The following PLLP variants were observed in gnomAD, a reference collection of about 807,000 sequenced individuals.
The protein encoded by PLLP is plasma membrane proteolipid (plasmolipin).
A neutral mutation model predicts 19.7 loss-of-function variants in PLLP; 15 were observed. The ratio of observed to expected loss-of-function variants is 0.76; its 90% CI spans 0.51 to 1.17. The LOEUF is 1.17. Among genes scored for constraint, PLLP ranks in the 50% most tolerant of loss-of-function variants. PLLP has a pLI of 0.00. For missense variants in PLLP, 255 were observed against 258.3 expected, an observed-to-expected ratio of 0.99 and a Z score of 0.09; for synonymous variants, 111 against 116.3, an observed-to-expected ratio of 0.95 and a Z score of 0.29.
chr16:57,275,282 G>T lies in PLLP; in HGVS notation c.135+9124C>A, dbSNP rs117322127. On this transcript the variant is annotated intron_variant, in intron 1 of 3. Coordinates refer to ENST00000219207, the MANE Select transcript of PLLP (RefSeq NM_015993.3). The stretch of plus-strand genomic sequence containing the variant: ...AGCTGTTGCATTGTCTTCTTTGAGG[G>T]GTGGGGGGATATCTTTTTACTCACT... Among the ~76,000 whole-genome samples, 18 of 152,178 alleles carry T rather than the reference G, an allele frequency of 1.2e-4. No homozygotes were observed. The East Asian group carries it at 3.5e-3, about 29-fold the overall frequency.
At position 57,262,032 on chromosome 16, in the gene PLLP, G is replaced by T; in HGVS notation, c.174C>A (p.Thr58=). Residue 58 remains threonine, a synonymous_variant, in exon 2 of 4, where the codon ACC becomes ACA. Transcript: ENST00000219207. ...GLLVWALIAD[T]PYHLYPAYGW... ...CATAGGCCGGATACAGGTGGTACGG[G>T]GTGTCCGCAATCAGCGCCCACACCA... The T allele has an allele frequency of 1.2e-6, 2 of 1,614,176 alleles. No homozygotes were observed. The highest frequency in any genetic ancestry group is 1.3e-5 in the African/African-American group (1 of 75,042).
chr16:57,263,087 G>A (rs1444646938), intron 1 of PLLP, among the ~76,000 whole-genome samples: 1 of 152,182 alleles, frequency 6.6e-6, no homozygotes, highest in Non-Finnish European at 1.5e-5. Context: ...CACAGTCCCA[G>A]AGGCGGGAAG....
intron 1 of PLLP, among the ~76,000 whole-genome samples, chr16:57,282,248 GTGTT>G (rs1325082411): frequency 1.4e-5 from 2 of 147,384 alleles, no homozygotes; most frequent in Admixed American, 6.8e-5. Context: ...TTTTGTGTGT[GTGTT>G]TGTCTGTTTG....
rs942871578 is a variant in PLLP at position 57,256,223 on chromosome 16, G to A, written c.*690C>T. The A allele has an allele frequency of 1.0e-5, 4 of 394,584 alleles. No homozygotes were observed. In the East Asian group the frequency reaches 1.1e-4, roughly 11 times the overall value. 24.4% of individuals were successfully genotyped at this position (394,584 alleles called of 1,614,324 possible). On this transcript the variant is annotated 3_prime_UTR_variant, in exon 4 of 4. Transcript: ENST00000219207. ...TCCCATGTGCCTAGTCAGCAAGGTCGGGGAGGCACCGATGTTAGCTTCGCC... is the reference window on the plus strand; with the variant it reads ...TCCCATGTGCCTAGTCAGCAAGGTCAGGGAGGCACCGATGTTAGCTTCGCC...
At chr16:57,276,620 A>G (rs917280077) in intron 1 of PLLP, among the ~76,000 whole-genome samples, 2 of 151,278 alleles carry the variant, frequency 1.3e-5, no homozygotes, top group African/African-American at 4.9e-5. Flanking sequence ...GAGAGAGAGA[A>G]ATGAAAATAA....
chr16:57,284,424 C>T lies in PLLP; in HGVS notation c.117G>A (p.Ala39=), dbSNP rs2146454672. 2 of 1,420,864 alleles carry T rather than the reference C, an allele frequency of 1.4e-6. No homozygotes were observed. The highest frequency in any genetic ancestry group is 1.8e-6 in the Non-Finnish European group (2 of 1,086,106). The allele number at this position is 1,420,864 out of a possible 1,614,324, so 88.0% of individuals were successfully genotyped here. ...DLGFVRSRLG[A]LMLLQLVLGL... is the part of the protein sequence containing the mutation. ...CTCTCACCAGCTGCAGCAGCATGAG[C>T]GCCCCGAGGCGGGAGCGCACGAAGC... The change falls in exon 1 of 4, where the codon GCG becomes GCA. Residue 39 remains alanine (A), a synonymous_variant. Transcript: ENST00000219207.
chr16:57,280,338 G>A (rs1462904678), intron 1 of PLLP, among the ~76,000 whole-genome samples: 1 of 152,062 alleles, frequency 6.6e-6, no homozygotes, highest in Non-Finnish European at 1.5e-5. Context: ...TCTCCCCACG[G>A]CTTGGGGAGG....
intron 1 of PLLP, among the ~76,000 whole-genome samples, chr16:57,278,689 G>C (rs1901183450): frequency 6.6e-6 from 1 of 152,104 alleles, no homozygotes; most frequent in Non-Finnish European, 1.5e-5. Context: ...GGGCATGCGG[G>C]GCCTGGAATG....
At chr16:57,270,860 T>A (rs1474423854) in intron 1 of PLLP, among the ~76,000 whole-genome samples, 1 of 152,190 alleles carries the variant, frequency 6.6e-6, no homozygotes. Flanking sequence ...TGAATAGCCC[T>A]AAGCTCTCTT....
At position 57,258,463 on chromosome 16, in the gene PLLP, G is replaced by C; in HGVS notation, c.431C>G (p.Ser144Trp). The part of the protein sequence containing the change: ...TRPYNQRAAA[S>W]FFACLVMIAY... Reference sequence around the variant, plus strand: ...AGGGAGCCTGGGAAGCAGACTCACCGAGGCAGCCGCGCGCTGGTTATAAGG... The same window carrying C: ...AGGGAGCCTGGGAAGCAGACTCACCCAGGCAGCCGCGCGCTGGTTATAAGG... Residue 144 changes from serine to tryptophan, a missense_variant and splice_region_variant, in exon 3 of 4, where the codon TCG (serine) becomes TGG (tryptophan). Ser to Trp is a radical substitution (Grantham distance 177, BLOSUM62 -3). Transcript: ENST00000219207. The C allele has an allele frequency of 6.2e-7, 1 of 1,609,970 alleles. No individual in the cohort carries two copies. The highest frequency in any genetic ancestry group is 8.5e-7 in the Non-Finnish European group (1 of 1,179,784).
At chr16:57,260,851 T>C (rs772431500) in intron 2 of PLLP, among the ~76,000 whole-genome samples, 11 of 152,220 alleles carry the variant, frequency 7.2e-5, no homozygotes, top group Admixed American at 1.3e-4. Flanking sequence ...TGCCCGAGCT[T>C]GTCCTGCACA....
At chr16:57,282,328 A>G (rs4635334) in intron 1 of PLLP, among the ~76,000 whole-genome samples, 69,251 of 151,068 alleles carry the variant, frequency 0.46, 16,656 homozygotes, top group South Asian at 0.7. Flanking sequence ...CTGTAGCCTC[A>G]AACTCCCAGG....
At chr16:57,263,900 T>C (rs1458968002) in intron 1 of PLLP, among the ~76,000 whole-genome samples, 2 of 152,184 alleles carry the variant, frequency 1.3e-5, no homozygotes, top group Non-Finnish European at 2.9e-5. Context: ...CCCAGGTACA[T>C]GGCACCAAGG....
At chr16:57,266,458 G>C (rs1356862827) in intron 1 of PLLP, among the ~76,000 whole-genome samples, 7 of 152,170 alleles carry the variant, frequency 4.6e-5, no homozygotes, top group African/African-American at 1.4e-4. Context: ...ACCCTGCTCG[G>C]AACAGGGCAC....
chr16:57,266,377 G>A (rs1275638587), intron 1 of PLLP, among the ~76,000 whole-genome samples: 4 of 152,204 alleles, frequency 2.6e-5, no homozygotes, highest in South Asian at 4.1e-4. Flanking sequence ...AGGAAGGTTC[G>A]TTCCTGCATT....
At chr16:57,267,919 T>C (rs1159256206) in intron 1 of PLLP, among the ~76,000 whole-genome samples, 1 of 138,052 alleles carries the variant, frequency 7.2e-6, no homozygotes, top group Non-Finnish European at 1.6e-5. Flanking sequence ...GAAAAGAAAA[T>C]AGTGTTTGCA....
In PLLP at chr16:57,256,935, T is replaced by C; in HGVS notation, c.527A>G (p.Gln176Arg). ...GGTTTAGGCATAGCCGCCAGCCATC[T>C]GACTGGTGGCCGCATTGCTGCCTAC... is the stretch of plus-strand genomic sequence containing the variant. ...RGVGSNAATS[Q>R]MAGGYA is the part of the protein sequence containing the mutation. The change falls in exon 4 of 4, where the codon CAG becomes CGG. Residue 176 changes from glutamine (Q) to arginine (R), a missense_variant. Transcript: ENST00000219207. 1 of 1,612,924 alleles carries C rather than the reference T, an allele frequency of 6.2e-7. No individual in the cohort carries two copies. Among genetic ancestry groups the C allele is most frequent in the Non-Finnish European group, 8.5e-7 (1 of 1,179,132 alleles).
chr16:57,257,751 G>C (rs1440405253), intron 3 of PLLP, among the ~76,000 whole-genome samples: 3 of 152,232 alleles, frequency 2.0e-5, no homozygotes, highest in African/African-American at 7.2e-5. Flanking sequence ...GAGAGCCTAT[G>C]AATCTCCCAG....
chr16:57,264,108 C>T (rs1457440750), intron 1 of PLLP, among the ~76,000 whole-genome samples: 4 of 152,162 alleles, frequency 2.6e-5, no homozygotes, highest in Non-Finnish European at 5.9e-5. Flanking sequence ...GGGTGCCTGC[C>T]AGGCACCCCA....
Sources: allele counts gnomAD v4.1 joint callset (sites outside exome capture counted in the v4.1 genomes callset), GRCh38; gene constraint gnomAD v4.1.1; transcripts MANE v1.5; gene names NCBI Gene and HGNC (gene_info 2026-07-23, HGNC 2026-07-21).